Variants in STX5 observed in about 807,000 individuals in gnomAD.
STX5 encodes the protein syntaxin 5, also known as syntaxin-5.
In STX5, 15 loss-of-function variants were observed where a neutral mutation model predicts 42.9. That is an observed-to-expected ratio of 0.35 (90% CI 0.23 to 0.54). STX5 has a LOEUF of 0.54. Ranked by LOEUF, STX5 falls within the 20% of genes least tolerant of loss-of-function variation. The probability of loss-of-function intolerance (pLI) is 0.91; values close to 1 mark genes in which losing one functional copy is unlikely to be tolerated. For synonymous variants in STX5, 184 were observed against 173.2 expected, an observed-to-expected ratio of 1.06 and a Z score of -0.49; for missense variants, 430 against 455.0, an observed-to-expected ratio of 0.95 and a Z score of 0.50.
At chr11:62,810,481 T>C (rs144435987) in intron 10 of STX5, among the ~76,000 whole-genome samples, 74 of 152,184 alleles carry the variant, frequency 4.9e-4, no homozygotes, top group African/African-American at 1.8e-3. Context: ...CAAAAAAAGT[T>C]AGTGACTACA....
At chr11:62,809,950 A>T (rs2084598175) in intron 10 of STX5, among the ~76,000 whole-genome samples, 1 of 151,164 alleles carries the variant, frequency 6.6e-6, no homozygotes, top group East Asian at 2.0e-4. Flanking sequence ...AAAAATACAA[A>T]AATTAGCTGG....
intron 10 of STX5, among the ~76,000 whole-genome samples, chr11:62,821,170 T>C (rs1001896706): frequency 1.3e-5 from 2 of 151,730 alleles, no homozygotes; most frequent in Admixed American, 1.3e-4. Flanking sequence ...TACCTGGGCA[T>C]GGTGGTGGGC....
intron 10 of STX5, among the ~76,000 whole-genome samples, chr11:62,811,154 C>T (rs983103997): frequency 3.3e-5 from 5 of 152,138 alleles, no homozygotes; most frequent in Non-Finnish European, 7.4e-5. Flanking sequence ...GGGGATCTGT[C>T]CTGACCTTTT....
intron 10 of STX5, among the ~76,000 whole-genome samples, chr11:62,815,136 T>C (rs1385666801): frequency 6.6e-6 from 1 of 151,558 alleles, no homozygotes; most frequent in Admixed American, 6.6e-5. Context: ...GCCTCCCGAG[T>C]AGCTGGGACT....
rs764415423 is a variant in STX5, at chr11:62,807,680, A to T, written c.909-52T>A. The T allele has an allele frequency of 1.9e-6, 3 of 1,603,132 alleles. No homozygotes were observed. In the South Asian group the frequency reaches 3.3e-5, roughly 18 times the overall value. ...AACAAAAGGACACTGGATTAAAAAG[A>T]ATGCTGTTGAAGTCCATTTATTGAC... On this transcript the variant is annotated intron_variant, in intron 10 of 10. Transcript: ENST00000294179.
chr11:62,827,294 C>A (rs369691781), intron 4 of STX5, 49 bp downstream of exon 4: 1 of 1,614,080 alleles, frequency 6.2e-7, no homozygotes. Flanking sequence ...TAGTCCTCAA[C>A]CCTCTTTGAT....
chr11:62,807,353 C>G lies in STX5; in HGVS notation c.*116G>C, dbSNP rs2084562816. On this transcript the variant is annotated 3_prime_UTR_variant, in exon 11 of 11. Transcript: ENST00000294179. The stretch of plus-strand genomic sequence containing the variant: ...GGGGCAGTGGTCATTCTTAGCAGTT[C>G]CAGGGAAACAGGGCCTTTCTCCCAA... 6.9e-7 allele frequency: 1 copy of G among 1,452,268 alleles called. No homozygotes were observed. The highest frequency in any genetic ancestry group is 9.2e-7 in the Non-Finnish European group (1 of 1,092,128). 90.0% of individuals were successfully genotyped at this position (1,452,268 alleles called of 1,614,324 possible).
At chr11:62,822,712 T>A (rs1483336678) in intron 10 of STX5, among the ~76,000 whole-genome samples, 1 of 152,022 alleles carries the variant, frequency 6.6e-6, no homozygotes, top group Non-Finnish European at 1.5e-5. Flanking sequence ...CCTTTTTTTT[T>A]TTTAACATAC....
At chr11:62,812,878 C>T (rs919301897) in intron 10 of STX5, among the ~76,000 whole-genome samples, 20 of 150,852 alleles carry the variant, frequency 1.3e-4, no homozygotes, top group African/African-American at 4.9e-4. Flanking sequence ...TTTGGGAGGC[C>T]GAGGTGGGCG....
intron 4 of STX5, 35 bp downstream of exon 4, chr11:62,827,308 C>A (rs1303017919): frequency 5.6e-6 from 9 of 1,614,060 alleles, no homozygotes; most frequent in Non-Finnish European, 7.6e-6. Flanking sequence ...CTTTGATTTA[C>A]TGCCCCACTT....
Position 62,827,546 on chromosome 11 carries a change from C to A in STX5, c.296+15G>T, listed in dbSNP as rs2084810382. 1 of 1,599,942 alleles carries A rather than the reference C, an allele frequency of 6.3e-7. No individual in the cohort carries two copies. Among genetic ancestry groups the A allele is most frequent in the Non-Finnish European group, 8.6e-7 (1 of 1,167,278 alleles). ...GACACTGTATCACCCCACCAGAAAG[C>A]TTCTCTCAACTCACTTGGCCATGAG... On this transcript the variant is annotated intron_variant, in intron 3 of 10. Transcript: ENST00000294179.
chr11:62,815,726 G>A (rs2084666285), intron 10 of STX5, among the ~76,000 whole-genome samples: 1 of 151,816 alleles, frequency 6.6e-6, no homozygotes, highest in Non-Finnish European at 1.5e-5. Flanking sequence ...TAGTAGAGAT[G>A]GGGTTTCTCC....
rs1349181825 is a variant in STX5 at position 62,831,074 on chromosome 11, C to A, written c.170G>T (p.Cys57Phe). 1.3e-6 allele frequency: 2 copies of A among 1,555,726 alleles called. No homozygotes were observed. Among genetic ancestry groups the A allele is most frequent in the Non-Finnish European group, 1.7e-6 (2 of 1,150,230 alleles). Residue 57 changes from cysteine (C) to phenylalanine (F), a missense_variant, in exon 2 of 11, where the codon TGC becomes TTC. Physicochemically the swap from Cys to Phe is radical, Grantham distance 205. Transcript: ENST00000294179. ...CAGAAACTCCTGGGTCCGATCCCGG[C>A]AGGACATGGTGTCGGGAGGGGGAGG... The part of the protein sequence containing the change: ...LVPPPPDTMS[C>F]RDRTQEFLSA...
intron 1 of STX5, among the ~76,000 whole-genome samples, 167 bp from the exon 2 acceptor site, chr11:62,831,429 T>C (rs1413285621): frequency 6.6e-6 from 1 of 152,036 alleles, no homozygotes; most frequent in African/African-American, 2.4e-5. Flanking sequence ...GGGCCCCGCT[T>C]TTCCCCTGTC....
chr11:62,811,051 A>G (rs900673634), intron 10 of STX5, among the ~76,000 whole-genome samples: 4 of 151,970 alleles, frequency 2.6e-5, no homozygotes, highest in African/African-American at 4.8e-5. Context: ...CTAAGGACAC[A>G]TTTCTCTCTC....
intron 10 of STX5, among the ~76,000 whole-genome samples, chr11:62,821,108 G>A (rs2084735601): frequency 6.6e-6 from 1 of 151,694 alleles, no homozygotes; most frequent in South Asian, 2.1e-4. Context: ...AAGAAATCGA[G>A]ACCATCCTGG....
intron 10 of STX5, among the ~76,000 whole-genome samples, chr11:62,817,450 C>A (rs2084685740): frequency 6.6e-6 from 1 of 152,144 alleles, no homozygotes; most frequent in Non-Finnish European, 1.5e-5. Context: ...CTTAGTTCAG[C>A]CAAGTTAACT....
rs190908926 is a variant in STX5 at position 62,808,555 on chromosome 11, C to T, written c.909-927G>A. Among the ~76,000 whole-genome samples, 27 of 152,112 alleles carry T rather than the reference C, an allele frequency of 1.8e-4. 1 individual carries two copies. The East Asian group carries it at 4.5e-3, about 25-fold the overall frequency. On this transcript the variant is annotated intron_variant, in intron 10 of 10. Transcript: ENST00000294179. ...CTTGAGCCTAGGAGTTGGAGACCAGCTTGAACAACATGGTAAGACACTTGT... is the reference window on the plus strand; with the variant it reads ...CTTGAGCCTAGGAGTTGGAGACCAGTTTGAACAACATGGTAAGACACTTGT...
At chr11:62,818,183 T>C (rs1416799081) in intron 10 of STX5, among the ~76,000 whole-genome samples, 1 of 145,366 alleles carries the variant, frequency 6.9e-6, no homozygotes, top group Middle Eastern at 3.3e-3. Context: ...AGGCAGAGGT[T>C]GCAGTGAGCC....
Sources: allele counts gnomAD v4.1 joint callset (sites outside exome capture counted in the v4.1 genomes callset), GRCh38; gene constraint gnomAD v4.1.1; transcripts MANE v1.5; gene names NCBI Gene and HGNC (gene_info 2026-07-23, HGNC 2026-07-21).